The following ADAMTSL1 variants were observed in gnomAD, a reference collection of about 807,000 sequenced individuals.
The protein encoded by ADAMTSL1 is ADAMTS-like protein 1.
Under a neutral mutation model 201.8 loss-of-function variants are expected in ADAMTSL1, and 126 were observed. The observed-to-expected ratio is 0.62, with a 90% confidence interval of 0.54 to 0.72. ADAMTSL1 has a LOEUF of 0.72. ADAMTSL1 is among the 30% of genes least tolerant of loss of function. ADAMTSL1 has a pLI of 0.00. For synonymous variants in ADAMTSL1, 1,121 were observed against 903.4 expected (o/e 1.24, Z -4.32); for missense variants, 2,679 against 2,277.8 (o/e 1.18, Z -3.59).
chr9:18,456,923 G>T (rs1282020088), intron 2 of ADAMTSL1, among the ~76,000 whole-genome samples: 1 of 152,180 alleles, frequency 6.6e-6, no homozygotes, highest in East Asian at 1.9e-4. Context: ...CCTCTGGCTG[G>T]AATGGAAGCA....
chr9:18,522,204 C>A (rs1284651661), intron 2 of ADAMTSL1, among the ~76,000 whole-genome samples: 1 of 152,052 alleles, frequency 6.6e-6, no homozygotes, highest in African/African-American at 2.4e-5. Context: ...ATGCTCACTA[C>A]CTGGTGACAG....
At chr9:18,182,771 T>G (rs1181058287) in intron 2 of ADAMTSL1, among the ~76,000 whole-genome samples, 1 of 152,206 alleles carries the variant, frequency 6.6e-6, no homozygotes, top group Non-Finnish European at 1.5e-5. Flanking sequence ...ATTAACCACC[T>G]TATCAAGGTT....
intron 2 of ADAMTSL1, among the ~76,000 whole-genome samples, chr9:18,394,004 C>T (rs528885002): frequency 6.6e-6 from 1 of 152,200 alleles, no homozygotes; most frequent in African/African-American, 2.4e-5. Context: ...CAGCTAAAAG[C>T]ATTGCAGATG....
rs377618927 is a variant in ADAMTSL1, at chr9:18,014,394, A to G, written c.87+107472A>G. 1.5e-3 allele frequency among the ~76,000 whole-genome samples: 223 copies of G among 152,200 alleles called. 7 individuals carry two copies. In the South Asian group the frequency reaches 0.046, roughly 31 times the overall value. On this transcript the variant is annotated intron_variant, in intron 1 of 29. Transcript: ENST00000680146. Reference sequence around the variant, plus strand: ...TTGGTTATTTAGAAAATGTAACCATAACACTGGTTTTTGTTCACTAACAGA... The same window carrying G: ...TTGGTTATTTAGAAAATGTAACCATGACACTGGTTTTTGTTCACTAACAGA...
intron 1 of ADAMTSL1, among the ~76,000 whole-genome samples, chr9:18,094,068 G>C (rs1486814058): frequency 6.6e-6 from 1 of 152,140 alleles, no homozygotes; most frequent in African/African-American, 2.4e-5. Flanking sequence ...AGTTTTCGTT[G>C]AGTAATGTAC....
intron 1 of ADAMTSL1, among the ~76,000 whole-genome samples, chr9:17,917,055 TTC>T (rs1826122760): frequency 6.6e-6 from 1 of 152,164 alleles, no homozygotes; most frequent in Non-Finnish European, 1.5e-5. Flanking sequence ...TAGTTTCCAA[TTC>T]TTTTTTTGTT....
intron 1 of ADAMTSL1, among the ~76,000 whole-genome samples, chr9:17,927,391 C>CATATACATGCACACATATAT (rs1588428760): frequency 6.6e-6 from 1 of 152,066 alleles, no homozygotes; most frequent in African/African-American, 2.4e-5. Flanking sequence ...CACACATATA[C>CATATACATGCACACATATAT]GTACATATAT....
intron 1 of ADAMTSL1, among the ~76,000 whole-genome samples, chr9:18,029,444 C>G (rs1219573211): frequency 1.3e-5 from 2 of 152,212 alleles, no homozygotes; most frequent in South Asian, 2.1e-4. Context: ...CATAAAAACC[C>G]TAGAAGAAAA....
chr9:18,139,596 A>T (rs905530039), intron 1 of ADAMTSL1, among the ~76,000 whole-genome samples: 1 of 152,208 alleles, frequency 6.6e-6, no homozygotes, highest in African/African-American at 2.4e-5. Context: ...ACTTTTAGGT[A>T]TCCAAGAAAT....
At chr9:18,905,708 A>G (rs1389813766) in intron 26 of ADAMTSL1, 74 bp from the exon 27 acceptor site, 1 of 1,176,838 alleles carries the variant, frequency 8.5e-7, no homozygotes, top group Non-Finnish European at 1.2e-6. Flanking sequence ...CGTGCATGCC[A>G]TGCAGCCCAA....
At chr9:18,151,284 C>A (rs1826899638) in intron 1 of ADAMTSL1, among the ~76,000 whole-genome samples, 1 of 152,080 alleles carries the variant, frequency 6.6e-6, no homozygotes, top group East Asian at 1.9e-4. Flanking sequence ...ATGTCACCAC[C>A]AATTGCTGAA....
intron 15 of ADAMTSL1, among the ~76,000 whole-genome samples, chr9:18,747,694 G>A (rs1215551033): frequency 6.6e-6 from 1 of 152,160 alleles, no homozygotes; most frequent in African/African-American, 2.4e-5. Flanking sequence ...TATTACTATT[G>A]TTATTGGTGA....
intron 2 of ADAMTSL1, among the ~76,000 whole-genome samples, chr9:18,275,721 A>C (rs1348245364): frequency 4.6e-5 from 7 of 152,058 alleles, no homozygotes; most frequent in Non-Finnish European, 8.8e-5. Context: ...GTAGTATTTC[A>C]TTGTTTAGAT....
At chr9:18,663,438 C>G (rs1286636946) in intron 9 of ADAMTSL1, among the ~76,000 whole-genome samples, 1 of 151,986 alleles carries the variant, frequency 6.6e-6, no homozygotes, top group Non-Finnish European at 1.5e-5. Flanking sequence ...GCTTGGATTT[C>G]TTTATTTTGG....
At position 18,578,389 on chromosome 9, in the gene ADAMTSL1, C is replaced by T. The variant is rs997123968; in HGVS notation, c.474+4123C>T. Among the ~76,000 whole-genome samples the T allele has an allele frequency of 3.9e-5, 6 of 152,166 alleles. 1 individual carries two copies. In the South Asian group the frequency reaches 6.2e-4, roughly 16 times the overall value. On this transcript the variant is annotated intron_variant, in intron 4 of 28. Coordinates refer to ENST00000380548, the MANE Select transcript of ADAMTSL1 (RefSeq NM_001040272.6). ...ATCCCTCTTCACCCTGCATCTCAGA[C>T]TGAGAAACACTGGGATTCTTATTTG...
At chr9:18,359,838 C>CAA (rs1836436598) in intron 2 of ADAMTSL1, among the ~76,000 whole-genome samples, 1 of 127,670 alleles carries the variant, frequency 7.8e-6, no homozygotes, top group Non-Finnish European at 1.7e-5. Context: ...CCCCCCCGCC[C>CAA]ACACAAAATG....
At chr9:18,735,555 T>A (rs1477302425) in intron 15 of ADAMTSL1, among the ~76,000 whole-genome samples, 1 of 152,144 alleles carries the variant, frequency 6.6e-6, no homozygotes, top group African/African-American at 2.4e-5. Flanking sequence ...AGATGTGGAA[T>A]GGACATTCAA....
intron 2 of ADAMTSL1, among the ~76,000 whole-genome samples, chr9:18,327,695 A>G (rs895006596): frequency 3.9e-5 from 6 of 152,226 alleles, no homozygotes; most frequent in African/African-American, 1.4e-4. Context: ...ACTTATAATC[A>G]GTTGATATGA....
At position 18,756,076 on chromosome 9, in the gene ADAMTSL1, A is replaced by AATATAT. The variant is rs55717414; in HGVS notation, c.2217+2610_2217+2615dup. On this transcript the variant is annotated intron_variant, in intron 16 of 28. Coordinates refer to ENST00000380548, the MANE Select transcript of ADAMTSL1 (RefSeq NM_001040272.6). ...ATGGTGAAACCCTGTCTCTACTGAA[A>AATATAT]ATATATATATATATATATATATATA... is the stretch of plus-strand genomic sequence containing the variant. Among the ~76,000 whole-genome samples, 345 of 80,620 alleles carry AATATAT rather than the reference A, an allele frequency of 4.3e-3. 7 individuals carry two copies. The highest frequency in any genetic ancestry group is 5.2e-3 in the Non-Finnish European group (198 of 38,062). The allele number at this position is 80,620 out of a possible 152,430, so 52.9% of individuals were successfully genotyped here.
Sources: gnomAD v4.1 joint callset for allele counts (sites outside exome capture counted in the v4.1 genomes callset) on GRCh38, gnomAD v4.1.1 for gene constraint, MANE v1.5 for transcripts, NCBI Gene and HGNC (gene_info 2026-07-23, HGNC 2026-07-21) for gene names.